The following RSRC1 variants were observed in gnomAD, a reference collection of about 807,000 sequenced individuals.
RSRC1 encodes arginine and serine rich coiled-coil 1.
RSRC1 carries 39 observed loss-of-function variants against 49.1 expected under a neutral mutation model. The ratio of observed to expected loss-of-function variants is 0.79; its 90% confidence interval spans 0.61 to 1.04. The LOEUF (loss-of-function observed/expected upper bound fraction) is 1.04. Ranked by LOEUF, RSRC1 falls within the 50% of genes least tolerant of loss-of-function variation. RSRC1 has a pLI of 0.00. For synonymous variants in RSRC1, 143 were observed against 130.8 expected, an observed-to-expected ratio of 1.09 and a Z score of -0.63; for missense variants, 388 against 402.4, an observed-to-expected ratio of 0.96 and a Z score of 0.31.
rs1182419296 is a variant in RSRC1 at position 158,545,675 on chromosome 3, A to T, written c.*1400A>T. On this transcript the variant is annotated 3_prime_UTR_variant, in exon 10 of 10. Transcript: ENST00000611884. Reference sequence around the variant, plus strand: ...TCATACAAACATGCTTTCCCATTCTAAATAGATGCTAGTTTTCTTTTTTCC... The same window carrying T: ...TCATACAAACATGCTTTCCCATTCTTAATAGATGCTAGTTTTCTTTTTTCC... 1 of 152,216 alleles carries T rather than the reference A, an allele frequency of 6.6e-6. No individual in the cohort carries two copies. Among genetic ancestry groups the T allele is most frequent in the Non-Finnish European group, 1.5e-5 (1 of 68,046 alleles). The allele number at this position is 152,216 out of a possible 1,614,324, so 9.4% of individuals were successfully genotyped here.
intron 6 of RSRC1, among the ~76,000 whole-genome samples, chr3:158,394,180 A>G (rs571971660): frequency 9.2e-4 from 140 of 152,254 alleles, no homozygotes; most frequent in African/African-American, 3.0e-3. Flanking sequence ...ATTAATGACA[A>G]ACCCACAGCC....
chr3:158,112,755 A>G (rs1445482067), intron 1 of RSRC1, among the ~76,000 whole-genome samples: 1 of 152,144 alleles, frequency 6.6e-6, no homozygotes, highest in East Asian at 1.9e-4. Flanking sequence ...CTAAATATTA[A>G]GCCCAGCATG....
intron 4 of RSRC1, among the ~76,000 whole-genome samples, chr3:158,206,632 G>T (rs201181650): frequency 6.6e-6 from 1 of 152,034 alleles, no homozygotes; most frequent in Non-Finnish European, 1.5e-5. Context: ...GATAAGCATC[G>T]GCCAGGCATG....
At chr3:158,178,565 G>C (rs930918564) in intron 3 of RSRC1, among the ~76,000 whole-genome samples, 1 of 152,202 alleles carries the variant, frequency 6.6e-6, no homozygotes, top group East Asian at 1.9e-4. Context: ...ATTTTCTCTT[G>C]TTAATTTTCT....
intron 7 of RSRC1, among the ~76,000 whole-genome samples, chr3:158,493,971 T>C (rs1466744533): frequency 1.3e-5 from 2 of 152,172 alleles, no homozygotes; most frequent in Non-Finnish European, 2.9e-5. Flanking sequence ...GATTTAAGAC[T>C]AGAATAAACA....
Position 158,352,716 on chromosome 3 carries a change from A to G in RSRC1, c.532-2141A>G. ...CTTAAATGCTTGTGAAAAAGTAACA[A>G]ATTTCGTAACCCTGGGCTTGCGTTT... is the stretch of plus-strand genomic sequence containing the variant. On this transcript the variant is annotated intron_variant, in intron 5 of 9. Coordinates refer to ENST00000611884, the MANE Select transcript of RSRC1 (RefSeq NM_001271838.2). Among the ~76,000 whole-genome samples the G allele has an allele frequency of 1.3e-5, 2 of 152,022 alleles. 1 individual carries two copies. The highest frequency in any genetic ancestry group is 4.2e-4 in the South Asian group (2 of 4,816).
At chr3:158,303,640 C>A (rs1327480625) in intron 5 of RSRC1, 1 of 152,174 alleles carries the variant, frequency 6.6e-6, no homozygotes, top group African/African-American at 2.4e-5. Context: ...AATTGAAAGA[C>A]ATGTGTCCAA....
At chr3:158,370,923 T>G (rs765021576) in intron 6 of RSRC1, among the ~76,000 whole-genome samples, 2 of 151,918 alleles carry the variant, frequency 1.3e-5, no homozygotes, top group African/African-American at 4.8e-5. Context: ...GCTTCATTTG[T>G]TCCATATCCT....
At chr3:158,298,868 A>T (rs542967756) in intron 5 of RSRC1, among the ~76,000 whole-genome samples, 55 of 152,194 alleles carry the variant, frequency 3.6e-4, no homozygotes, top group Non-Finnish European at 5.3e-4. Context: ...TTCGTATATC[A>T]TACTGTAGCT....
At chr3:158,177,669 G>T (rs1719313379) in intron 3 of RSRC1, among the ~76,000 whole-genome samples, 1 of 152,036 alleles carries the variant, frequency 6.6e-6, no homozygotes, top group African/African-American at 2.4e-5. Flanking sequence ...GAGAGGGATA[G>T]CATTAGGAGA....
intron 4 of RSRC1, among the ~76,000 whole-genome samples, chr3:158,204,210 C>A (rs574056726): frequency 6.6e-6 from 1 of 152,244 alleles, no homozygotes; most frequent in Non-Finnish European, 1.5e-5. Context: ...ACTCTTTCCT[C>A]ATTCCTTTCT....
At position 158,424,830 on chromosome 3, in the gene RSRC1, T is replaced by G. The variant is rs1217279042; in HGVS notation, c.584-36105T>G. On this transcript the variant is annotated intron_variant, in intron 6 of 9. Transcript: ENST00000611884. ...TGGGAGAGTGTATGTGTCAAGGAAT[T>G]TATCCATTTCTTCTAGATTTTCTAG... 6.6e-5 allele frequency among the ~76,000 whole-genome samples: 10 copies of G among 152,144 alleles called. No homozygotes were observed. The East Asian group carries it at 7.7e-4, about 12-fold the overall frequency.
At chr3:158,401,185 G>T (rs1476862261) in intron 6 of RSRC1, among the ~76,000 whole-genome samples, 1 of 151,974 alleles carries the variant, frequency 6.6e-6, no homozygotes, top group Non-Finnish European at 1.5e-5. Context: ...TGAAATTCTA[G>T]CAACATATTT....
At chr3:158,153,910 T>C (rs369393206) in intron 3 of RSRC1, among the ~76,000 whole-genome samples, 150 of 152,284 alleles carry the variant, frequency 9.9e-4, no homozygotes, top group Non-Finnish European at 1.7e-3. Flanking sequence ...AATCCCAGGA[T>C]AATTATGAGA....
chr3:158,511,458 T>C (rs1331475718), intron 7 of RSRC1, among the ~76,000 whole-genome samples: 1 of 152,180 alleles, frequency 6.6e-6, no homozygotes, highest in South Asian at 2.1e-4. Flanking sequence ...GAACTCATCA[T>C]TTTTTATGGT....
At chr3:158,393,517 C>T (rs905616115) in intron 6 of RSRC1, among the ~76,000 whole-genome samples, 2 of 151,836 alleles carry the variant, frequency 1.3e-5, no homozygotes, top group African/African-American at 4.8e-5. Flanking sequence ...AAAAATCCCT[C>T]CGAGACTACT....
At chr3:158,423,701 A>G (rs1270950975) in intron 6 of RSRC1, among the ~76,000 whole-genome samples, 1 of 152,172 alleles carries the variant, frequency 6.6e-6, no homozygotes, top group Non-Finnish European at 1.5e-5. Flanking sequence ...GATTCTTCCT[A>G]CCAATGAGCA....
chr3:158,339,026 C>T (rs1337413757), intron 5 of RSRC1, among the ~76,000 whole-genome samples: 2 of 152,094 alleles, frequency 1.3e-5, no homozygotes, highest in African/African-American at 2.4e-5. Flanking sequence ...GGCGCGGTGG[C>T]TCACGCCTGT....
At chr3:158,115,544 C>T (rs1002405890) in intron 1 of RSRC1, among the ~76,000 whole-genome samples, 5 of 151,960 alleles carry the variant, frequency 3.3e-5, no homozygotes. Flanking sequence ...TTAATTAAAA[C>T]GAAATTTTGA....
Sources: gnomAD v4.1 joint callset for allele counts (sites outside exome capture counted in the v4.1 genomes callset) on GRCh38, gnomAD v4.1.1 for gene constraint, MANE v1.5 for transcripts, NCBI Gene and HGNC (gene_info 2026-07-23, HGNC 2026-07-21) for gene names.